Variants in ATG13 observed in about 807,000 individuals in gnomAD.
ATG13 encodes autophagy-related protein 13.
A neutral mutation model predicts 65.5 loss-of-function variants in ATG13; 23 were observed. The observed-to-expected ratio is 0.35, with a 90% CI of 0.25 to 0.50. The LOEUF is 0.50. ATG13 is among the 20% of genes least tolerant of loss of function. The pLI, the probability that ATG13 is intolerant of heterozygous loss-of-function variation, is 0.98. For missense variants in ATG13, 566 were observed against 677.0 expected (o/e 0.84, Z 1.82); for synonymous variants, 252 against 245.2 (o/e 1.03, Z -0.26).
At chr11:46,666,872 T>C (rs1000716254) in intron 14 of ATG13, among the ~76,000 whole-genome samples, 1 of 152,204 alleles carries the variant, frequency 6.6e-6, no homozygotes, top group Non-Finnish European at 1.5e-5. Context: ...ATTTTTTTTT[T>C]TCATTCCCAC....
At chr11:46,660,494 C>G (rs2060943697) in intron 11 of ATG13, among the ~76,000 whole-genome samples, 1 of 149,748 alleles carries the variant, frequency 6.7e-6, no homozygotes, top group Admixed American at 6.7e-5. Flanking sequence ...ACTGCAACCT[C>G]TGCCTCCCGG....
At chr11:46,640,475 C>A (rs139495552) in intron 2 of ATG13, among the ~76,000 whole-genome samples, 4 of 152,250 alleles carry the variant, frequency 2.6e-5, no homozygotes, top group South Asian at 4.1e-4. Context: ...GAAAAGAAAA[C>A]CCAATGGTAA....
At chr11:46,652,159 A>G (rs2059045591) in intron 7 of ATG13, among the ~76,000 whole-genome samples, 1 of 151,764 alleles carries the variant, frequency 6.6e-6, no homozygotes, top group Non-Finnish European at 1.5e-5. Flanking sequence ...GAGGCATGAG[A>G]ATCACTTGAA....
At chr11:46,645,449 A>ACAC in intron 4 of ATG13, 30 bp downstream of exon 4, 2 of 1,576,066 alleles carry the variant, frequency 1.3e-6, no homozygotes, top group Non-Finnish European at 1.7e-6. Context: ...TAAGGTGTAT[A>ACAC]CTGTAGTGTT....
chr11:46,661,326 G>T (rs1399872584), intron 11 of ATG13, among the ~76,000 whole-genome samples: 1 of 151,810 alleles, frequency 6.6e-6, no homozygotes, highest in East Asian at 1.9e-4. Flanking sequence ...GACCAGCCTG[G>T]CCAACATGGT....
intron 11 of ATG13, among the ~76,000 whole-genome samples, chr11:46,663,065 A>T (rs2061508757): frequency 6.6e-6 from 1 of 152,082 alleles, no homozygotes; most frequent in African/African-American, 2.4e-5. Flanking sequence ...GGAGATCGAG[A>T]CCATCCTGGC....
At position 46,668,379 on chromosome 11, in the gene ATG13, G is replaced by T. The variant is rs575591370; in HGVS notation, c.1252-120G>T. 16 of 972,986 alleles carry T rather than the reference G, an allele frequency of 1.6e-5. No individual in the cohort carries two copies. The South Asian group carries it at 2.0e-4, about 12-fold the overall frequency. The allele number at this position is 972,986 out of a possible 1,614,324, so 60.3% of individuals were successfully genotyped here. A position where few individuals can be genotyped will look rare whatever the true frequency, so the allele number is the denominator to read the frequency against. On this transcript the variant is annotated intron_variant, in intron 15 of 18. Transcript: ENST00000683050. ...CTCTAACAAGGCAGGAGCCTAAGGGGCAGCATGGTCAGCATAGCTGTGTGA... is the reference window on the plus strand; with the variant it reads ...CTCTAACAAGGCAGGAGCCTAAGGGTCAGCATGGTCAGCATAGCTGTGTGA...
At chr11:46,637,407 T>C (rs770497494) in intron 2 of ATG13, among the ~76,000 whole-genome samples, 2 of 152,240 alleles carry the variant, frequency 1.3e-5, no homozygotes, top group African/African-American at 4.8e-5. Flanking sequence ...TTTAATAATT[T>C]ATTAATCTTT....
chr11:46,648,843 G>T, intron 5 of ATG13: 1 of 213,460 alleles, frequency 4.7e-6, no homozygotes, highest in Non-Finnish European at 9.1e-6. Flanking sequence ...TTGGAGGACT[G>T]GTTGGATAAA....
At chr11:46,619,894 T>G (rs1302283847) in intron 1 of ATG13, among the ~76,000 whole-genome samples, 1 of 150,972 alleles carries the variant, frequency 6.6e-6, no homozygotes, top group Non-Finnish European at 1.5e-5. Context: ...CTGGACGTAG[T>G]GTTGGGCGCC....
intron 11 of ATG13, 72 bp downstream of exon 11, chr11:46,659,557 A>C: frequency 7.8e-7 from 1 of 1,276,638 alleles, no homozygotes; most frequent in Non-Finnish European, 1.1e-6. Flanking sequence ...ATGGTGTCCA[A>C]ATTTAGCTAC....
intron 1 of ATG13, chr11:46,618,159 A>AT (rs1214081372): frequency 2.8e-6 from 1 of 351,172 alleles, no homozygotes; most frequent in Non-Finnish European, 5.1e-6. Flanking sequence ...TTTGGAGGTA[A>AT]TTTGGGGGGC....
chr11:46,672,662 C>T lies in ATG13; in HGVS notation c.*330C>T, dbSNP rs752477982. The T allele has an allele frequency of 1.8e-5, 25 of 1,377,898 alleles. No individual in the cohort carries two copies. Among genetic ancestry groups the T allele is most frequent in the African/African-American group, 2.9e-5 (2 of 68,806 alleles). 85.4% of individuals were successfully genotyped at this position (1,377,898 alleles called of 1,614,324 possible). ...GGTGTCATCCTGTTCCTCCTGCTGC[C>T]GGCCTCCTGCCTGGGCCTGCCTTGC... On this transcript the variant is annotated 3_prime_UTR_variant, in exon 19 of 19. Transcript: ENST00000683050.
chr11:46,669,839 A>G (rs1226228425), intron 18 of ATG13, among the ~76,000 whole-genome samples: 1 of 152,126 alleles, frequency 6.6e-6, no homozygotes, highest in East Asian at 1.9e-4. Flanking sequence ...CCATTGCATT[A>G]GCTATTTAGC....
At position 46,658,425 on chromosome 11, in the gene ATG13, G is replaced by T. The variant is rs1458522830; in HGVS notation, c.695+803G>T. Among the ~76,000 whole-genome samples the T allele has an allele frequency of 2.0e-5, 3 of 152,132 alleles. No individual in the cohort carries two copies. In the East Asian group the frequency reaches 5.8e-4, roughly 29 times the overall value. ...AAAATGCTCTCTCAGACCAGGCATG[G>T]TGGCTAACACCTATAATCCCGGCAC... On this transcript the variant is annotated intron_variant, in intron 10 of 18. Coordinates refer to ENST00000683050, the MANE Select transcript of ATG13 (RefSeq NM_001346311.2).
chr11:46,658,522 ACT>A (rs2060480419), intron 10 of ATG13, among the ~76,000 whole-genome samples: 1 of 150,918 alleles, frequency 6.6e-6, no homozygotes, highest in South Asian at 2.1e-4. Flanking sequence ...GTGGTGAAAC[ACT>A]GTTTCTACCA....
chr11:46,634,118 A>G (rs1416766961), intron 2 of ATG13, among the ~76,000 whole-genome samples: 4 of 150,426 alleles, frequency 2.7e-5, no homozygotes, highest in African/African-American at 4.9e-5. Context: ...TTTTTTTGAG[A>G]TGGAGTCTTG....
chr11:46,621,402 AG>A (rs2047458108), intron 1 of ATG13, among the ~76,000 whole-genome samples: 1 of 152,212 alleles, frequency 6.6e-6, no homozygotes, highest in Non-Finnish European at 1.5e-5. Context: ...CTTCAGAGTT[AG>A]GGGGAAGAGT....
chr11:46,647,633 G>T (rs191726850), intron 5 of ATG13, among the ~76,000 whole-genome samples: 137 of 150,658 alleles, frequency 9.1e-4, no homozygotes, highest in Admixed American at 1.7e-3. Flanking sequence ...GTGCAGTGGC[G>T]CAGTCATGGC....
Sources: gnomAD v4.1 joint callset for allele counts (sites outside exome capture counted in the v4.1 genomes callset) on GRCh38, gnomAD v4.1.1 for gene constraint, MANE v1.5 for transcripts, NCBI Gene and HGNC (gene_info 2026-07-23, HGNC 2026-07-21) for gene names.